Variants in ART3 observed in about 807,000 individuals in gnomAD.
ART3 encodes ecto-ADP-ribosyltransferase 3.
In ART3, 49 loss-of-function variants were observed where a neutral mutation model predicts 48.5. That is an observed-to-expected ratio of 1.01 (90% CI 0.80 to 1.28). The LOEUF (loss-of-function observed/expected upper bound fraction) is 1.28. Among genes scored for constraint, ART3 ranks in the 50% most tolerant of loss-of-function variants. ART3 has a pLI of 0.00. For missense variants in ART3, 438 were observed against 454.3 expected, an observed-to-expected ratio of 0.96 and a Z score of 0.33; for synonymous variants, 145 against 157.2, an observed-to-expected ratio of 0.92 and a Z score of 0.58.
chr4:76,030,094 T>A (rs1458130075), intron 1 of ART3, among the ~76,000 whole-genome samples: 2 of 152,260 alleles, frequency 1.3e-5, no homozygotes, highest in African/African-American at 4.8e-5. Flanking sequence ...TCGCTCTATG[T>A]AGCCCAGGCT....
At chr4:76,078,935 G>A (rs1721763638) in intron 2 of ART3, among the ~76,000 whole-genome samples, 1 of 152,104 alleles carries the variant, frequency 6.6e-6, no homozygotes, top group African/African-American at 2.4e-5. Flanking sequence ...AGAAAAATTA[G>A]CCGGGCGTGG....
intron 1 of ART3, among the ~76,000 whole-genome samples, chr4:76,067,391 A>G (rs1285821220): frequency 2.0e-5 from 3 of 152,244 alleles, no homozygotes; most frequent in Non-Finnish European, 2.9e-5. Context: ...GAAAGGACAT[A>G]GAAATTGTTT....
Position 76,104,242 on chromosome 4 carries a change from G to A in ART3, c.970+273G>A, listed in dbSNP as rs140958989. 2.1e-4 allele frequency: 139 copies of A among 674,712 alleles called. 2 individuals carry two copies. In the African/African-American group the frequency reaches 2.4e-3, roughly 12 times the overall value. 41.8% of individuals were successfully genotyped at this position (674,712 alleles called of 1,614,324 possible). A position where few individuals can be genotyped will look rare whatever the true frequency, so the allele number is the denominator to read the frequency against. Reference sequence around the variant, plus strand: ...AGGCTCCTGGGATCTGGATGCATCAGTCCAACACCTTCCAGGTTCTACAGC... The same window carrying A: ...AGGCTCCTGGGATCTGGATGCATCAATCCAACACCTTCCAGGTTCTACAGC... On this transcript the variant is annotated intron_variant, in intron 9 of 11. Transcript: ENST00000355810.
rs1173955927 is a variant in ART3, at chr4:76,082,600, A to G, written c.781+65A>G. The G allele has an allele frequency of 6.6e-6, 9 of 1,373,302 alleles. No individual in the cohort carries two copies. The East Asian group carries it at 1.2e-4, about 18-fold the overall frequency. 85.1% of individuals were successfully genotyped at this position (1,373,302 alleles called of 1,614,324 possible). ...GAGTGGGATTCTTAGGCTTAGGGAAAGGTCAGTGAAAGGAGAGTGAGAGGT... is the reference window on the plus strand; with the variant it reads ...GAGTGGGATTCTTAGGCTTAGGGAAGGGTCAGTGAAAGGAGAGTGAGAGGT... On this transcript the variant is annotated intron_variant, in intron 3 of 11. Transcript: ENST00000355810.
chr4:76,021,744 A>G, intron 1 of ART3: 1 of 662,946 alleles, frequency 1.5e-6, no homozygotes, highest in Non-Finnish European at 2.8e-6. Context: ...AGGATGATGA[A>G]CATTAACCTT....
chr4:76,076,401 C>G (rs10433952), intron 2 of ART3, among the ~76,000 whole-genome samples: 31,393 of 152,044 alleles, frequency 0.21, 5,521 homozygotes, highest in African/African-American at 0.48. Flanking sequence ...TTATAAGTAG[C>G]TCTTTTCATT....
chr4:76,042,043 A>G (rs143289613), intron 1 of ART3, among the ~76,000 whole-genome samples: 7 of 152,310 alleles, frequency 4.6e-5, no homozygotes, highest in Admixed American at 6.5e-5. Flanking sequence ...CACTTAAATA[A>G]GTTTTGCTTT....
At chr4:76,079,584 C>T (rs193104840) in intron 2 of ART3, among the ~76,000 whole-genome samples, 48 of 152,156 alleles carry the variant, frequency 3.2e-4, no homozygotes, top group Non-Finnish European at 6.3e-4. Flanking sequence ...TTAGAAAATA[C>T]GTAGCCTTGA....
chr4:76,084,224 C>A (rs1265862340), intron 3 of ART3, among the ~76,000 whole-genome samples: 5 of 152,110 alleles, frequency 3.3e-5, no homozygotes, highest in Non-Finnish European at 7.3e-5. Context: ...TGAGATATTG[C>A]TTCTTCCCTA....
intron 1 of ART3, chr4:76,035,324 CTT>C (rs1001478869): frequency 1.2e-6 from 2 of 1,613,874 alleles, no homozygotes; most frequent in African/African-American, 2.7e-5. Flanking sequence ...ACAGCGTCCT[CTT>C]TTGAACATGG....
intron 1 of ART3, among the ~76,000 whole-genome samples, chr4:76,061,673 ACATAT>A (rs987665894): frequency 2.0e-5 from 3 of 152,166 alleles, no homozygotes; most frequent in African/African-American, 7.2e-5. Context: ...GTTCCATAAA[ACATAT>A]CATGCTGTCC....
intron 1 of ART3, among the ~76,000 whole-genome samples, chr4:76,012,725 A>G (rs1032996466): frequency 6.6e-6 from 1 of 152,170 alleles, no homozygotes; most frequent in African/African-American, 2.4e-5. Flanking sequence ...CAATAGCAAC[A>G]TTTTTGCTTG....
chr4:76,091,441 T>C (rs1724865171), intron 3 of ART3, among the ~76,000 whole-genome samples: 2 of 152,202 alleles, frequency 1.3e-5, no homozygotes, highest in Non-Finnish European at 2.9e-5. Flanking sequence ...TAAATAGATA[T>C]GTGGTGGTAT....
chr4:76,080,472 A>G (rs113813752), intron 2 of ART3, among the ~76,000 whole-genome samples: 60 of 152,270 alleles, frequency 3.9e-4, no homozygotes, highest in African/African-American at 1.3e-3. Flanking sequence ...GCCATCCCAC[A>G]GTTAAATACT....
At chr4:76,050,144 T>C (rs1338125676) in intron 1 of ART3, among the ~76,000 whole-genome samples, 1 of 151,986 alleles carries the variant, frequency 6.6e-6, no homozygotes, top group Non-Finnish European at 1.5e-5. Flanking sequence ...AGCAGCAAGA[T>C]TTATTGCAAA....
chr4:76,100,257 G>C (rs779156470), intron 5 of ART3, 34 bp from the exon 6 acceptor site: 81 of 1,606,068 alleles, frequency 5.0e-5, no homozygotes, highest in Non-Finnish European at 6.7e-5. Flanking sequence ...TTGTTCCATT[G>C]TTAAAACTGA....
intron 1 of ART3, among the ~76,000 whole-genome samples, chr4:76,063,664 A>T (rs1345410737): frequency 6.6e-6 from 1 of 152,206 alleles, no homozygotes; most frequent in African/African-American, 2.4e-5. Context: ...ATGTATTTAT[A>T]TATCATTATT....
Sources: gnomAD v4.1 joint callset for allele counts (sites outside exome capture counted in the v4.1 genomes callset) on GRCh38, gnomAD v4.1.1 for gene constraint, MANE v1.5 for transcripts, NCBI Gene and HGNC (gene_info 2026-07-23, HGNC 2026-07-21) for gene names.